MCAT: variants seen among roughly 807,000 people sequenced by gnomAD.
MCAT encodes malonyl-CoA-acyl carrier protein transacylase, mitochondrial.
MCAT carries 22 observed loss-of-function variants against 22.9 expected under a neutral mutation model. The ratio of observed to expected loss-of-function variants is 0.96; its 90% confidence interval spans 0.69 to 1.37. MCAT has a LOEUF of 1.37. Among genes scored for constraint, MCAT ranks in the 40% most tolerant of loss-of-function variants. MCAT has a pLI of 0.00. For missense variants in MCAT, 534 were observed against 533.6 expected (o/e 1.00, Z -0.01); for synonymous variants, 240 against 233.9 (o/e 1.03, Z -0.24).
intron 2 of MCAT, among the ~76,000 whole-genome samples, chr22:43,138,329 C>T (rs1235804025): frequency 6.6e-6 from 1 of 152,220 alleles, no homozygotes; most frequent in Non-Finnish European, 1.5e-5. Context: ...TTACTGTCCC[C>T]ACTTAGAGCT....
rs1245272099 is a variant in MCAT at position 43,142,996 on chromosome 22, A to C, written c.353T>G (p.Val118Gly). 1.2e-6 allele frequency: 2 copies of C among 1,606,344 alleles called. No homozygotes were observed. Among genetic ancestry groups the C allele is most frequent in the Admixed American group, 3.4e-5 (2 of 59,222 alleles). ...HGPQETLDRT[V>G]HCQPAIFVAS... Reference sequence around the variant, plus strand: ...CACGAAGATCGCGGGCTGACAGTGCACGGTGCGGTCCAGGGTCTCCTGCGG... The same window carrying C: ...CACGAAGATCGCGGGCTGACAGTGCCCGGTGCGGTCCAGGGTCTCCTGCGG... The change falls in exon 1 of 4, where the codon GTG becomes GGG. Residue 118 changes from valine to glycine, a missense_variant. Transcript: ENST00000290429.
At chr22:43,134,753 T>A (rs921733456) in intron 3 of MCAT, among the ~76,000 whole-genome samples, 14 of 152,214 alleles carry the variant, frequency 9.2e-5, no homozygotes, top group African/African-American at 3.1e-4. Flanking sequence ...TGGCCTGTAC[T>A]GACTCACCCG....
intron 3 of MCAT, among the ~76,000 whole-genome samples, chr22:43,134,097 T>A (rs1930536655): frequency 6.6e-6 from 1 of 152,210 alleles, no homozygotes; most frequent in Admixed American, 6.5e-5. Flanking sequence ...CCTTTCATAA[T>A]TTTTGACCAG....
rs1930498583 is a variant in MCAT at position 43,133,144 on chromosome 22, G to A, written c.1072C>T (p.Leu358=). 1 of 1,614,200 alleles carries A rather than the reference G, an allele frequency of 6.2e-7. No homozygotes were observed. Among genetic ancestry groups the A allele is most frequent in the Non-Finnish European group, 8.5e-7 (1 of 1,180,024 alleles). The change falls in exon 4 of 4, where the codon CTG becomes TTG. Residue 358 remains leucine, a synonymous_variant. Coordinates refer to ENST00000290429, the MANE Select transcript of MCAT (RefSeq NM_173467.5). ...VGPGRQLGAI[L]KSCNMQAWKS... ...CAGGCCTGCATGTTACAGCTCTTCA[G>A]GATGGCTCCCAGCTGCCTGCCAGGG... is the stretch of plus-strand genomic sequence containing the variant.
exon 1 of MCAT, chr22:43,143,396 TGCG>T (rs1930845423): frequency 7.7e-7 from 1 of 1,300,118 alleles, no homozygotes; most frequent in African/African-American, 1.6e-5. Context: ...GAGGCCCGAC[TGCG>T]GCGGCGCGGC....
chr22:43,133,343 C>T lies in MCAT; in HGVS notation c.873G>A (p.Lys291=), dbSNP rs757125946. The change falls in exon 4 of 4, where the codon AAG becomes AAA. Residue 291 remains lysine (K), a synonymous_variant. Transcript: ENST00000290429. ...LTQALKAVDI[K]KPLVSVYSNV... ...TGGAGTAGACAGAAACCAGAGGCTT[C>T]TTAATGTCGACTGCCTTTAAAGCTT... 1.9e-6 allele frequency: 3 copies of T among 1,614,202 alleles called. No homozygotes were observed. In the Admixed American group the frequency reaches 5.0e-5, roughly 27 times the overall value.
In MCAT at chr22:43,142,969, G is replaced by T; in HGVS notation, c.380C>A (p.Ala127Glu). ...TAGTTTCTCGACAGCGGCCAGCGATGCCACGAAGATCGCGGGCTGACAGTG... is the reference window on the plus strand; with the variant it reads ...TAGTTTCTCGACAGCGGCCAGCGATTCCACGAAGATCGCGGGCTGACAGTG... Reference protein sequence around the residue: ...TVHCQPAIFVASLAAVEKLHH... With the variant: ...TVHCQPAIFVESLAAVEKLHH... The change falls in exon 1 of 4, where the codon GCA becomes GAA. Residue 127 changes from alanine (A) to glutamate (E), a missense_variant. Transcript: ENST00000290429. 1.3e-6 allele frequency: 2 copies of T among 1,596,892 alleles called. No individual in the cohort carries two copies. Among genetic ancestry groups the T allele is most frequent in the Non-Finnish European group, 1.7e-6 (2 of 1,171,554 alleles).
In MCAT at chr22:43,143,138, CCTGGCCCGGGAAGAGCAGCACGGAGCA is replaced by C; in HGVS notation, c.184_210del (p.Cys62_Gln70del). On this transcript the variant is annotated inframe_deletion, in exon 1 of 4. Transcript: ENST00000290429. ...CGGCCCATGCCCACCACCTGGCTGCCCTGGCCCGGGAAGAGCAGCACGGAGCACTGGCCCGGCATTCGCCGCTCCGTC... is the reference window on the plus strand; with the variant it reads ...CGGCCCATGCCCACCACCTGGCTGCCCTGGCCCGGCATTCGCCGCTCCGTC... The C allele has an allele frequency of 1.9e-6, 3 of 1,595,536 alleles. No homozygotes were observed. The highest frequency in any genetic ancestry group is 2.6e-6 in the Non-Finnish European group (3 of 1,175,808).
At position 43,132,919 on chromosome 22, in the gene MCAT, G is replaced by A. The variant is rs749254893; in HGVS notation, c.*124C>T. The A allele has an allele frequency of 5.1e-5, 43 of 847,830 alleles. No homozygotes were observed. Among genetic ancestry groups the A allele is most frequent in the Non-Finnish European group, 7.8e-5 (42 of 540,094 alleles). The allele number at this position is 847,830 out of a possible 1,614,324, so 52.5% of individuals were successfully genotyped here. A position where few individuals can be genotyped will look rare whatever the true frequency, so the allele number is the denominator to read the frequency against. On this transcript the variant is annotated 3_prime_UTR_variant, in exon 4 of 4. Coordinates refer to ENST00000290429, the MANE Select transcript of MCAT (RefSeq NM_173467.5). ...GCTTTTTATGTGGCCTTCAAAGCACGTTGCAAACAAATCCCTTTCACTCCT... is the reference window on the plus strand; with the variant it reads ...GCTTTTTATGTGGCCTTCAAAGCACATTGCAAACAAATCCCTTTCACTCCT...
chr22:43,137,453 A>C (rs1349730460), intron 2 of MCAT, among the ~76,000 whole-genome samples, 155 bp from the exon 3 acceptor site: 1 of 152,212 alleles, frequency 6.6e-6, no homozygotes, highest in Non-Finnish European at 1.5e-5. Flanking sequence ...ACACACCTCC[A>C]TCGACTGCAC....
intron 2 of MCAT, among the ~76,000 whole-genome samples, chr22:43,138,435 GATA>G (rs1930681934): frequency 6.6e-6 from 1 of 152,156 alleles, no homozygotes. Context: ...CAGTGCCAAT[GATA>G]ATAAGAGTGG....
rs910861203 is a variant in MCAT at position 43,132,731 on chromosome 22, G to A, written c.*312C>T. On this transcript the variant is annotated 3_prime_UTR_variant, in exon 4 of 4. Transcript: ENST00000290429. ...TGCAGCAGCCAGTCCTCCCCTTCCC[G>A]CTGAGATGGCACACCTGCCTATGGT... 3.1e-5 allele frequency: 11 copies of A among 357,024 alleles called. No individual in the cohort carries two copies. Among genetic ancestry groups the A allele is most frequent in the Non-Finnish European group, 5.7e-5 (11 of 191,474 alleles). The allele number at this position is 357,024 out of a possible 1,614,324, so 22.1% of individuals were successfully genotyped here. A position where few individuals can be genotyped will look rare whatever the true frequency, so the allele number is the denominator to read the frequency against.
chr22:43,137,989 G>A (rs540498699), intron 2 of MCAT, among the ~76,000 whole-genome samples: 1 of 151,864 alleles, frequency 6.6e-6, no homozygotes, highest in East Asian at 1.9e-4. Context: ...ACTTTGGGAG[G>A]CTGAGGCAGG....
intron 2 of MCAT, among the ~76,000 whole-genome samples, chr22:43,140,658 T>C (rs546426329): frequency 1.3e-4 from 20 of 152,224 alleles, no homozygotes; most frequent in African/African-American, 3.9e-4. Context: ...GTAATTTTTG[T>C]TTTTTGTTGG....
Position 43,133,466 on chromosome 22 carries a change from C to A in MCAT, c.750G>T (p.Lys250Asn), listed in dbSNP as rs1930516464. The change falls in exon 4 of 4, where the codon AAG (lysine) becomes AAT (asparagine). Residue 250 changes from lysine to asparagine, a missense_variant. Physicochemically the swap from Lys to Asn is moderately conservative, Grantham distance 94 (BLOSUM62 0). Coordinates refer to ENST00000290429, the MANE Select transcript of MCAT (RefSeq NM_173467.5). ...GHQEALRFLQKNSSKFHFRRT... is the reference protein window; with the variant it reads ...GHQEALRFLQNNSSKFHFRRT... ...GTCTGAAATGAAACTTAGAGGAATT[C>A]TTCTGGAGAAACCGTAGAGCCTGGG... 2 of 1,611,508 alleles carry A rather than the reference C, an allele frequency of 1.2e-6. No homozygotes were observed. The highest frequency in any genetic ancestry group is 1.3e-5 in the African/African-American group (1 of 74,874).
intron 3 of MCAT, among the ~76,000 whole-genome samples, chr22:43,136,366 G>A (rs1415292350): frequency 1.3e-5 from 2 of 152,240 alleles, no homozygotes; most frequent in East Asian, 1.9e-4. Context: ...TGCAATCTGC[G>A]CTCACTCAGC....
chr22:43,135,628 GC>G (rs1353380423), intron 3 of MCAT, among the ~76,000 whole-genome samples: 1 of 152,116 alleles, frequency 6.6e-6, no homozygotes, highest in East Asian at 1.9e-4. Flanking sequence ...TCCTTCCTGA[GC>G]CACTTCTGGG....
chr22:43,139,526 A>AAAAAAG (rs555908795), intron 2 of MCAT, among the ~76,000 whole-genome samples: 2 of 152,160 alleles, frequency 1.3e-5, no homozygotes, highest in Non-Finnish European at 2.9e-5. Flanking sequence ...ATACTGCCTC[A>AAAAAAG]AAAAAGAAAA....
intron 3 of MCAT, among the ~76,000 whole-genome samples, chr22:43,136,422 G>A (rs920280727): frequency 6.6e-6 from 1 of 152,192 alleles, no homozygotes; most frequent in East Asian, 1.9e-4. Flanking sequence ...TTCTGTAGGG[G>A]GCTCCTGCCG....
Sources: gnomAD v4.1 joint callset for allele counts (sites outside exome capture counted in the v4.1 genomes callset) on GRCh38, gnomAD v4.1.1 for gene constraint, MANE v1.5 for transcripts, NCBI Gene and HGNC (gene_info 2026-07-23, HGNC 2026-07-21) for gene names.